Variants in CRPPA observed in about 807,000 individuals in gnomAD.
The protein encoded by CRPPA is CDP-L-ribitol pyrophosphorylase A.
In CRPPA, 43 loss-of-function variants were observed where a neutral mutation model predicts 52.0. The observed-to-expected ratio is 0.83, with a 90% CI of 0.65 to 1.07. The LOEUF (loss-of-function observed/expected upper bound fraction) is 1.07. CRPPA is among the 50% of genes least tolerant of loss of function. CRPPA has a pLI of 0.00. For synonymous variants in CRPPA, 250 were observed against 203.5 expected (o/e 1.23, Z -1.94); for missense variants, 629 against 551.7 (o/e 1.14, Z -1.40).
intron 3 of CRPPA, among the ~76,000 whole-genome samples, chr7:16,371,231 C>T (rs78906164): frequency 0.013 from 1,985 of 152,250 alleles, 25 homozygotes; most frequent in Non-Finnish European, 0.022. Flanking sequence ...CCAAAGGATA[C>T]CTCCCTATTG....
rs146917100 is a variant in CRPPA, at chr7:16,157,613, T to C, written c.1251+58453A>G. On this transcript the variant is annotated intron_variant, in intron 9 of 9. Coordinates refer to ENST00000407010, the MANE Select transcript of CRPPA (RefSeq NM_001101426.4). ...AAAGCTAAGAAAAAAGGGACTATTA[T>C]ATAATTCCATTTGCAAGGACTTTTC... Among the ~76,000 whole-genome samples the C allele has an allele frequency of 3.3e-5, 5 of 152,290 alleles. No homozygotes were observed. The East Asian group carries it at 5.8e-4, about 18-fold the overall frequency.
At chr7:16,286,259 T>A (rs1784446420) in intron 5 of CRPPA, among the ~76,000 whole-genome samples, 1 of 150,860 alleles carries the variant, frequency 6.6e-6, no homozygotes, top group Non-Finnish European at 1.5e-5. Flanking sequence ...GAGATTAATA[T>A]TTAACTAGGT....
intron 8 of CRPPA, among the ~76,000 whole-genome samples, chr7:16,225,475 G>A (rs1217675979): frequency 6.6e-6 from 1 of 151,724 alleles, no homozygotes; most frequent in Non-Finnish European, 1.5e-5. Context: ...ATAAAGCATT[G>A]ATTTGTTTAG....
intron 3 of CRPPA, among the ~76,000 whole-genome samples, chr7:16,364,960 A>C (rs1031171340): frequency 9.2e-5 from 14 of 152,222 alleles, no homozygotes; most frequent in Admixed American, 3.3e-4. Context: ...ATAAGATTTC[A>C]AATTTATAGA....
chr7:16,413,982 A>T (rs1056023500), intron 1 of CRPPA, among the ~76,000 whole-genome samples: 1 of 152,230 alleles, frequency 6.6e-6, no homozygotes, highest in African/African-American at 2.4e-5. Flanking sequence ...CAATAGATTA[A>T]CATACAATGA....
At chr7:16,121,727 A>G (rs1379986540) in intron 9 of CRPPA, among the ~76,000 whole-genome samples, 1 of 152,100 alleles carries the variant, frequency 6.6e-6, no homozygotes, top group Non-Finnish European at 1.5e-5. Flanking sequence ...AGCCTTGTCA[A>G]TTTCAGGAAC....
chr7:16,322,943 A>G (rs1016897994), intron 3 of CRPPA, among the ~76,000 whole-genome samples: 10 of 152,136 alleles, frequency 6.6e-5, no homozygotes, highest in African/African-American at 2.4e-4. Context: ...AGAGAGAATG[A>G]GAGCAAGCTG....
intron 9 of CRPPA, among the ~76,000 whole-genome samples, chr7:16,181,662 A>G (rs1349810121): frequency 6.6e-6 from 1 of 152,032 alleles, no homozygotes; most frequent in African/African-American, 2.4e-5. Flanking sequence ...TGAAAATAAC[A>G]GAGCACTTTT....
intron 3 of CRPPA, among the ~76,000 whole-genome samples, chr7:16,375,125 T>A (rs150318942): frequency 4.1e-4 from 63 of 152,300 alleles, no homozygotes; most frequent in African/African-American, 1.3e-3. Flanking sequence ...ACACCTCCTT[T>A]TACTTTGCCA....
At chr7:16,297,342 T>C (rs61694712) in intron 5 of CRPPA, among the ~76,000 whole-genome samples, 33,977 of 152,142 alleles carry the variant, frequency 0.22, 4,702 homozygotes, top group Admixed American at 0.31. Flanking sequence ...GCTCAAATAC[T>C]ATACCATTTC....
chr7:16,256,767 G>GT (rs900314299), intron 8 of CRPPA, among the ~76,000 whole-genome samples: 1 of 152,066 alleles, frequency 6.6e-6, no homozygotes, highest in Non-Finnish European at 1.5e-5. Context: ...TTGTTGGGGA[G>GT]TGGGGGGCTG....
At chr7:16,419,198 T>C (rs1788269225) in intron 1 of CRPPA, among the ~76,000 whole-genome samples, 1 of 152,236 alleles carries the variant, frequency 6.6e-6, no homozygotes, top group South Asian at 2.1e-4. Context: ...AAATCAGTGA[T>C]TATGGCTTTT....
chr7:16,373,007 G>T (rs1270954779), intron 3 of CRPPA, among the ~76,000 whole-genome samples: 1 of 152,158 alleles, frequency 6.6e-6, no homozygotes, highest in Admixed American at 6.6e-5. Flanking sequence ...ATAGAGAGTG[G>T]AAATAAGCCA....
intron 9 of CRPPA, among the ~76,000 whole-genome samples, chr7:16,108,703 T>C (rs1782202719): frequency 1.3e-5 from 2 of 151,892 alleles, no homozygotes; most frequent in African/African-American, 4.8e-5. Context: ...TCTCACATGT[T>C]AGAGCACAAA....
chr7:16,186,190 T>TC (rs762174009), intron 9 of CRPPA, among the ~76,000 whole-genome samples: 3 of 152,190 alleles, frequency 2.0e-5, no homozygotes, highest in Non-Finnish European at 4.4e-5. Context: ...ATGTATGTGC[T>TC]CCCTATACCC....
At chr7:16,324,794 T>C (rs993641523) in intron 3 of CRPPA, among the ~76,000 whole-genome samples, 1 of 152,242 alleles carries the variant, frequency 6.6e-6, no homozygotes. Flanking sequence ...ACATGGAGTC[T>C]GCAATCTTTG....
intron 3 of CRPPA, among the ~76,000 whole-genome samples, chr7:16,319,297 A>G (rs1443981861): frequency 2.0e-5 from 3 of 152,164 alleles, no homozygotes; most frequent in Non-Finnish European, 4.4e-5. Flanking sequence ...CACCAATTTT[A>G]TATTCCTGAA....
intron 9 of CRPPA, among the ~76,000 whole-genome samples, chr7:16,107,998 T>C (rs1029324803): frequency 6.6e-6 from 1 of 151,536 alleles, no homozygotes. Flanking sequence ...AAATATTCAG[T>C]GGAAATACAA....
Position 16,289,719 on chromosome 7 carries a change from CATT to C in CRPPA, c.836-11496_836-11494del, listed in dbSNP as rs371147201. Among the ~76,000 whole-genome samples, 10 of 152,230 alleles carry C rather than the reference CATT, an allele frequency of 6.6e-5. No individual in the cohort carries two copies. The East Asian group carries it at 1.5e-3, about 24-fold the overall frequency. On this transcript the variant is annotated intron_variant, in intron 5 of 9. Transcript: ENST00000407010. ...CTATATGTGATAAACCCACAGCTAG[CATT>C]ATACTGAATGGAGAAAAGCTGAAAG...
Sources: gnomAD v4.1 joint callset for allele counts (sites outside exome capture counted in the v4.1 genomes callset) on GRCh38, gnomAD v4.1.1 for gene constraint, MANE v1.5 for transcripts, NCBI Gene and HGNC (gene_info 2026-07-23, HGNC 2026-07-21) for gene names.